Variants in FBLN5 observed in about 807,000 individuals in gnomAD.
FBLN5 encodes the protein fibulin 5, also known as fibulin-5.
In FBLN5, 24 loss-of-function variants were observed where a neutral mutation model predicts 61.6. The observed-to-expected ratio is 0.39, with a 90% confidence interval of 0.28 to 0.55. The LOEUF (loss-of-function observed/expected upper bound fraction) is 0.55. FBLN5 is among the 20% of genes least tolerant of loss of function. The pLI is 0.65. For missense variants in FBLN5, 470 were observed against 594.1 expected, an observed-to-expected ratio of 0.79 and a Z score of 2.17; for synonymous variants, 213 against 219.8, an observed-to-expected ratio of 0.97 and a Z score of 0.27.
intron 2 of FBLN5, 35 bp from the exon 3 acceptor site, chr14:91,940,651 C>A (rs760232348): frequency 4.4e-6 from 7 of 1,585,162 alleles, no homozygotes; most frequent in Non-Finnish European, 6.1e-6. Context: ...CAGGCAAGGT[C>A]ATTTCACACC....
intron 3 of FBLN5, among the ~76,000 whole-genome samples, chr14:91,937,471 C>T (rs561441453): frequency 6.6e-6 from 1 of 152,228 alleles, no homozygotes; most frequent in African/African-American, 2.4e-5. Context: ...CTCCAAAACT[C>T]ATATTGAAAC....
At chr14:91,945,060 G>A (rs562414316) in intron 1 of FBLN5, among the ~76,000 whole-genome samples, 34 of 152,050 alleles carry the variant, frequency 2.2e-4, no homozygotes, top group Middle Eastern at 3.4e-3. Context: ...GTGAAACCCC[G>A]TCTCTACTAA....
rs577416526 is a variant in FBLN5, at chr14:91,901,261, C to T, written c.380-6189G>A. Reference sequence around the variant, plus strand: ...TGACTTTGTGAGCCTGTGTACCTAACGTCGGCTGAATATCTCAGTTCTTGT... The same window carrying T: ...TGACTTTGTGAGCCTGTGTACCTAATGTCGGCTGAATATCTCAGTTCTTGT... On this transcript the variant is annotated intron_variant, in intron 4 of 10. Transcript: ENST00000342058. Among the ~76,000 whole-genome samples, 4 of 152,306 alleles carry T rather than the reference C, an allele frequency of 2.6e-5. No homozygotes were observed. In the East Asian group the frequency reaches 5.8e-4, roughly 22 times the overall value.
At position 91,876,912 on chromosome 14, in the gene FBLN5, C is replaced by T. The variant is rs1035385785; in HGVS notation, c.1185+575G>A. ...GTGTGATCTCAGCTCACTGCAACTTCGACCTCCTGGGCTCAAGCAATCCTC... is the reference window on the plus strand; with the variant it reads ...GTGTGATCTCAGCTCACTGCAACTTTGACCTCCTGGGCTCAAGCAATCCTC... On this transcript the variant is annotated intron_variant, in intron 10 of 10. Coordinates refer to ENST00000342058, the MANE Select transcript of FBLN5 (RefSeq NM_006329.4). Among the ~76,000 whole-genome samples the T allele has an allele frequency of 1.4e-4, 21 of 152,174 alleles. No homozygotes were observed. The South Asian group carries it at 1.7e-3, about 12-fold the overall frequency.
intron 4 of FBLN5, among the ~76,000 whole-genome samples, chr14:91,899,684 T>C (rs1890377849): frequency 6.6e-6 from 1 of 152,188 alleles, no homozygotes; most frequent in Non-Finnish European, 1.5e-5. Flanking sequence ...GGCCTACATA[T>C]TTGGGAAACT....
intron 9 of FBLN5, 56 bp from the exon 10 acceptor site, chr14:91,877,738 T>C: frequency 1.4e-6 from 2 of 1,400,606 alleles, no homozygotes; most frequent in Non-Finnish European, 2.0e-6. Context: ...GTGCTGGCTG[T>C]GCCTACTTCC....
rs562055092 is a variant in FBLN5 at position 91,888,641 on chromosome 14, T to C, written c.620-1329A>G. ...AAAAAAAAATACATATATATATATA[T>C]ACACACACACACAGACACACACACA... On this transcript the variant is annotated intron_variant, in intron 6 of 10. Coordinates refer to ENST00000342058, the MANE Select transcript of FBLN5 (RefSeq NM_006329.4). 6.4e-4 allele frequency among the ~76,000 whole-genome samples: 95 copies of C among 149,580 alleles called. 1 individual carries two copies. Among genetic ancestry groups the C allele is most frequent in the African/African-American group, 1.5e-3 (59 of 40,632 alleles).
intron 6 of FBLN5, among the ~76,000 whole-genome samples, chr14:91,890,404 G>A (rs939622594): frequency 2.6e-5 from 4 of 152,228 alleles, no homozygotes; most frequent in Admixed American, 6.5e-5. Context: ...TGCGTCTGCA[G>A]CACTGCCTCC....
intron 5 of FBLN5, among the ~76,000 whole-genome samples, chr14:91,893,796 T>C (rs1432867860): frequency 2.0e-5 from 3 of 152,218 alleles, no homozygotes; most frequent in Non-Finnish European, 2.9e-5. Context: ...TGGTGATGAC[T>C]GACTCCTCAG....
chr14:91,943,388 A>G lies in FBLN5; in HGVS notation c.18-427T>C, dbSNP rs539469951. Among the ~76,000 whole-genome samples the G allele has an allele frequency of 2.0e-4, 30 of 152,044 alleles. No individual in the cohort carries two copies. The highest frequency in any genetic ancestry group is 6.7e-4 in the African/African-American group (28 of 41,496). ...TAACTGGGCATGATAGCACGCGCCT[A>G]AAGTCCCAGCTACTCAGGAGGCTGA... On this transcript the variant is annotated intron_variant, in intron 1 of 10. Coordinates refer to ENST00000342058, the MANE Select transcript of FBLN5 (RefSeq NM_006329.4). This position sits in a 1 kb window ranked among gnomAD's most constrained non-coding sequence, Gnocchi z 4.0.
intron 7 of FBLN5, 42 bp downstream of exon 7, chr14:91,887,151 C>A: frequency 6.2e-7 from 1 of 1,611,690 alleles, no homozygotes; most frequent in Non-Finnish European, 8.5e-7. Flanking sequence ...CCTGCCCAGG[C>A]CCCAAGTACA....
At chr14:91,883,919 C>T (rs1328988404) in intron 7 of FBLN5, among the ~76,000 whole-genome samples, 1 of 152,222 alleles carries the variant, frequency 6.6e-6, no homozygotes, top group Non-Finnish European at 1.5e-5. Context: ...GAAAAGCCAA[C>T]TCTTCATCAC....
At chr14:91,894,402 C>CAAAAAAAAAAAA (rs58035118) in intron 5 of FBLN5, among the ~76,000 whole-genome samples, 1 of 34,388 alleles carries the variant, frequency 2.9e-5, no homozygotes, top group Non-Finnish European at 4.8e-5. Context: ...GACACCATAT[C>CAAAAAAAAAAAA]AAAAAAAAAA....
At chr14:91,921,153 A>G (rs2055727354) in intron 4 of FBLN5, among the ~76,000 whole-genome samples, 1 of 152,228 alleles carries the variant, frequency 6.6e-6, no homozygotes, top group Admixed American at 6.5e-5. Flanking sequence ...TTATCCATGT[A>G]ATCTTTACCC....
intron 4 of FBLN5, among the ~76,000 whole-genome samples, chr14:91,896,720 G>A (rs991020691): frequency 4.6e-5 from 7 of 152,248 alleles, no homozygotes; most frequent in African/African-American, 1.7e-4. Flanking sequence ...AGCAGATTCA[G>A]GGGGGAGCTG....
At chr14:91,885,965 C>A (rs1373590563) in intron 7 of FBLN5, among the ~76,000 whole-genome samples, 3 of 152,196 alleles carry the variant, frequency 2.0e-5, no homozygotes, top group Non-Finnish European at 2.9e-5. Flanking sequence ...GCCCAAGGCT[C>A]TCTGGAACTT....
At chr14:91,931,315 A>G (rs1456430345) in intron 4 of FBLN5, among the ~76,000 whole-genome samples, 1 of 152,158 alleles carries the variant, frequency 6.6e-6, no homozygotes, top group Non-Finnish European at 1.5e-5. Flanking sequence ...CCTTGTCCAC[A>G]AGCTCTAGAG....
At chr14:91,887,058 C>A (rs563582740) in intron 7 of FBLN5, 135 bp downstream of exon 7, 72 of 942,200 alleles carry the variant, frequency 7.6e-5, no homozygotes, top group Non-Finnish European at 9.8e-5. Flanking sequence ...TCTGACCCCA[C>A]TGCCCTGGAG....
At chr14:91,929,078 AAAACACAC>A (rs1487241111) in intron 4 of FBLN5, among the ~76,000 whole-genome samples, 2 of 102,490 alleles carry the variant, frequency 2.0e-5, no homozygotes, top group Non-Finnish European at 4.1e-5. Flanking sequence ...ACCCTGTCTC[AAAACACAC>A]ACACACACAC....
Sources: gnomAD v4.1 joint callset for allele counts (sites outside exome capture counted in the v4.1 genomes callset) on GRCh38, gnomAD v4.1.1 for gene constraint, Gnocchi (gnomAD v3.1) non-coding constraint, MANE v1.5 for transcripts, NCBI Gene and HGNC (gene_info 2026-07-23, HGNC 2026-07-21) for gene names.